Variants in TMC3 observed in about 807,000 individuals in gnomAD.
TMC3 encodes transmembrane channel-like protein 3.
TMC3 carries 98 observed loss-of-function variants against 110.6 expected under a neutral mutation model. The ratio of observed to expected loss-of-function variants is 0.89; its 90% CI spans 0.75 to 1.05. The LOEUF (loss-of-function observed/expected upper bound fraction) is 1.05, where lower values mean the gene tolerates loss of function less well. Among genes scored for constraint, TMC3 ranks in the 50% least tolerant of loss-of-function variants. The pLI, the probability that TMC3 is intolerant of heterozygous loss-of-function variation, is 0.00. For synonymous variants in TMC3, 489 were observed against 513.1 expected (o/e 0.95, Z 0.63); for missense variants, 1,319 against 1,373.2 (o/e 0.96, Z 0.62).
chr15:81,337,696 C>T (rs529898703), intron 19 of TMC3, 150 bp downstream of exon 19: 2 of 690,854 alleles, frequency 2.9e-6, no homozygotes, highest in Middle Eastern at 3.2e-4. Context: ...AACTCTTGGA[C>T]ATCTGGGGAT....
intron 20 of TMC3, among the ~76,000 whole-genome samples, chr15:81,335,371 A>G (rs1206635588): frequency 1.3e-5 from 2 of 152,244 alleles, no homozygotes; most frequent in African/African-American, 2.4e-5. Flanking sequence ...TCGAGCTGGA[A>G]AATGAACACT....
intron 19 of TMC3, among the ~76,000 whole-genome samples, chr15:81,336,888 C>T (rs1893607996): frequency 6.6e-6 from 1 of 152,116 alleles, no homozygotes; most frequent in African/African-American, 2.4e-5. Flanking sequence ...TTAGGGACAG[C>T]TAATTAACAG....
chr15:81,340,550 T>C (rs1426731132), intron 16 of TMC3, among the ~76,000 whole-genome samples: 2 of 152,174 alleles, frequency 1.3e-5, no homozygotes, highest in East Asian at 3.8e-4. Context: ...TGAATCAAAG[T>C]ATTTAGAATG....
intron 21 of TMC3, among the ~76,000 whole-genome samples, chr15:81,333,672 G>A (rs1893525452): frequency 6.6e-6 from 1 of 152,178 alleles, no homozygotes; most frequent in East Asian, 1.9e-4. Context: ...ACTGGTGGGT[G>A]GAGGGGAGTT....
At chr15:81,361,370 C>A (rs1190505042) in intron 4 of TMC3, among the ~76,000 whole-genome samples, 1 of 152,116 alleles carries the variant, frequency 6.6e-6, no homozygotes, top group African/African-American at 2.4e-5. Context: ...TTATTGCATG[C>A]TAAAAGTCTA....
chr15:81,334,932 G>C lies in TMC3; in HGVS notation c.2247C>G (p.Asn749Lys). 2 of 1,614,030 alleles carry C rather than the reference G, an allele frequency of 1.2e-6. No individual in the cohort carries two copies. Among genetic ancestry groups the C allele is most frequent in the Non-Finnish European group, 8.5e-7 (1 of 1,179,894 alleles). The change falls in exon 21 of 22, where the codon AAC becomes AAG. Residue 749 changes from asparagine (N) to lysine (K), a missense_variant. By Grantham distance (94) the Asn-to-Lys change is moderately conservative. Transcript: ENST00000359440. Reference protein sequence around the residue: ...TQEESTKKLPNDSDLTSQLSS... With the variant: ...TQEESTKKLPKDSDLTSQLSS... ...ACAGCTGGCTGGTAAGATCACTGTCGTTTGGAAGCTTCTTGGTGCTTTCTT... is the reference window on the plus strand; with the variant it reads ...ACAGCTGGCTGGTAAGATCACTGTCCTTTGGAAGCTTCTTGGTGCTTTCTT...
At chr15:81,355,818 A>G in intron 8 of TMC3, 50 bp from the exon 9 acceptor site, 3 of 1,213,060 alleles carry the variant, frequency 2.5e-6, no homozygotes, top group Non-Finnish European at 2.4e-6. Flanking sequence ...ATCATTAATT[A>G]TAAATCATTA....
chr15:81,338,807 G>C, intron 17 of TMC3, 27 bp from the exon 18 acceptor site: 1 of 1,611,416 alleles, frequency 6.2e-7, no homozygotes, highest in South Asian at 1.1e-5. Flanking sequence ...CATAACTCCA[G>C]ATTTTATTGC....
At position 81,374,213 on chromosome 15, in the gene TMC3, T is replaced by A; in HGVS notation, c.-136A>T. On this transcript the variant is annotated 5_prime_UTR_variant, in exon 1 of 22. Coordinates refer to ENST00000359440, the MANE Select transcript of TMC3 (RefSeq NM_001080532.3). The stretch of plus-strand genomic sequence containing the variant: ...GCTAGTTCTCAGGAAGAAGACTGTG[T>A]GCTTGCAGCTGGTGCTCTGAGCAGG... 1 of 707,204 alleles carries A rather than the reference T, an allele frequency of 1.4e-6. No homozygotes were observed. Among genetic ancestry groups the A allele is most frequent in the African/African-American group, 1.8e-5 (1 of 56,996 alleles). 43.8% of individuals were successfully genotyped at this position (707,204 alleles called of 1,614,324 possible).
chr15:81,359,290 C>T (rs1210368714), intron 5 of TMC3, 75 bp downstream of exon 5: 2 of 1,090,342 alleles, frequency 1.8e-6, no homozygotes, highest in Non-Finnish European at 2.7e-6. Flanking sequence ...ACAATGATAA[C>T]CAGAGGAGCC....
At chr15:81,346,590 AT>A in intron 11 of TMC3, 147 bp from the exon 12 acceptor site, 2 of 763,016 alleles carry the variant, frequency 2.6e-6, no homozygotes, top group South Asian at 1.7e-5. Flanking sequence ...CCTTGCGGGC[AT>A]TTTTAAAAAG....
rs528397898 is a variant in TMC3 at position 81,331,936 on chromosome 15, C to G, written c.*483G>C. On this transcript the variant is annotated 3_prime_UTR_variant, in exon 22 of 22. Transcript: ENST00000359440. ...ATCGTGGGGAGAAGCAACGCAAGACCCCGGAAGCATGCCAACGTGTAAAAC... is the reference window on the plus strand; with the variant it reads ...ATCGTGGGGAGAAGCAACGCAAGACGCCGGAAGCATGCCAACGTGTAAAAC... The G allele has an allele frequency of 6.5e-6, 1 of 154,936 alleles. No homozygotes were observed. Among genetic ancestry groups the G allele is most frequent in the African/African-American group, 2.4e-5 (1 of 41,342 alleles). 9.6% of individuals were successfully genotyped at this position (154,936 alleles called of 1,614,324 possible).
At position 81,346,362 on chromosome 15, in the gene TMC3, C is replaced by T. The variant is rs1228723709; in HGVS notation, c.1272+3G>A. ...CAGGCAACTATCTGGGATGGGCACT[C>T]ACCTCAATGCTCATGCTGTTAACTT... On this transcript the variant is annotated splice_donor_region_variant and intron_variant, in intron 12 of 21. Coordinates refer to ENST00000359440, the MANE Select transcript of TMC3 (RefSeq NM_001080532.3). 1 of 1,613,384 alleles carries T rather than the reference C, an allele frequency of 6.2e-7. No individual in the cohort carries two copies. Among genetic ancestry groups the T allele is most frequent in the South Asian group, 1.1e-5 (1 of 90,892 alleles).
Position 81,372,645 on chromosome 15 carries a change from A to G in TMC3, c.182T>C (p.Met61Thr), listed in dbSNP as rs374929614. 40 of 1,613,824 alleles carry G rather than the reference A, an allele frequency of 2.5e-5. No homozygotes were observed. Among genetic ancestry groups the G allele is most frequent in the Non-Finnish European group, 3.2e-5 (38 of 1,179,892 alleles). Residue 61 changes from methionine to threonine, a missense_variant, in exon 2 of 22, where the codon ATG becomes ACG. Physicochemically the swap from Met to Thr is moderately conservative, Grantham distance 81 (BLOSUM62 -1). Transcript: ENST00000359440. ...CCAGGGTCTGCAGCGAATGTTTGCC[A>G]TGAGATCTTTCTGGAACTGTATATT... ...FQNIQFQKDL[M>T]ANIRCRPWTM...
intron 4 of TMC3, among the ~76,000 whole-genome samples, chr15:81,360,645 C>A (rs202084060): frequency 4.0e-5 from 6 of 149,756 alleles, no homozygotes; most frequent in Non-Finnish European, 9.0e-5. Context: ...GGGAAGGGCA[C>A]GATCTTAGCT....
chr15:81,358,612 A>AG, intron 5 of TMC3, 112 bp from the exon 6 acceptor site: 1 of 791,574 alleles, frequency 1.3e-6, no homozygotes, highest in Non-Finnish European at 1.9e-6. Context: ...AGAGATCTCC[A>AG]GGGGGTGGAT....
At chr15:81,357,170 T>C (rs764948108) in intron 7 of TMC3, among the ~76,000 whole-genome samples, 1 of 152,054 alleles carries the variant, frequency 6.6e-6, no homozygotes, top group Non-Finnish European at 1.5e-5. Context: ...GTCTCTTACA[T>C]TGTATGTCTA....
intron 1 of TMC3, 70 bp downstream of exon 1, chr15:81,373,919 C>G (rs1326216082): frequency 2.8e-6 from 4 of 1,418,482 alleles, no homozygotes; most frequent in East Asian, 4.7e-5. Flanking sequence ...GTCCCTCGCT[C>G]TGGTGACCCA....
At chr15:81,336,893 T>C (rs1366505402) in intron 19 of TMC3, among the ~76,000 whole-genome samples, 1 of 152,170 alleles carries the variant, frequency 6.6e-6, no homozygotes, top group Non-Finnish European at 1.5e-5. Context: ...GACAGCTAAT[T>C]AACAGACCAT....
Sources: gnomAD v4.1 joint callset for allele counts (sites outside exome capture counted in the v4.1 genomes callset) on GRCh38, gnomAD v4.1.1 for gene constraint, MANE v1.5 for transcripts, NCBI Gene and HGNC (gene_info 2026-07-23, HGNC 2026-07-21) for gene names.